Variants in TTI2 observed in about 807,000 individuals in gnomAD.
TTI2 encodes TELO2 interacting protein 2.
Under a neutral mutation model 44.9 loss-of-function variants are expected in TTI2, and 26 were observed. The observed-to-expected ratio is 0.58, with a 90% CI of 0.42 to 0.80. The LOEUF (loss-of-function observed/expected upper bound fraction) is 0.80, where lower values mean the gene tolerates loss of function less well. Ranked by LOEUF, TTI2 falls within the 30% of genes least tolerant of loss-of-function variation. The pLI is 0.00. For missense variants in TTI2, 582 were observed against 611.6 expected (o/e 0.95, Z 0.51); for synonymous variants, 254 against 250.9 (o/e 1.01, Z -0.12).
chr8:33,500,426 C>T lies in TTI2; in HGVS notation c.1324G>A (p.Asp442Asn). The T allele has an allele frequency of 6.2e-7, 1 of 1,614,094 alleles. No homozygotes were observed. Among genetic ancestry groups the T allele is most frequent in the Non-Finnish European group, 8.5e-7 (1 of 1,180,016 alleles). Residue 442 changes from aspartate to asparagine, a missense_variant, in exon 7 of 8, where the codon GAT (aspartate) becomes AAT (asparagine). Coordinates refer to ENST00000431156, the MANE Select transcript of TTI2 (RefSeq NM_001102401.4). ...ACAGACTCAGGTGTAAGGTTTGGAT[C>T]CCTTGCTACATCACAAATCAGTTTC... is the stretch of plus-strand genomic sequence containing the variant. ...LLKLICDVAR[D>N]PNLTPESVKS...
At chr8:33,505,294 A>T (rs1438839474) in intron 4 of TTI2, among the ~76,000 whole-genome samples, 2 of 152,098 alleles carry the variant, frequency 1.3e-5, no homozygotes, top group African/African-American at 4.8e-5. Context: ...AGTAAGGCAT[A>T]AAAAAGAAAC....
chr8:33,509,702 C>T (rs774898572), intron 3 of TTI2, 44 bp downstream of exon 3: 1 of 1,551,372 alleles, frequency 6.4e-7, no homozygotes, highest in Non-Finnish European at 8.9e-7. Context: ...AGGAATGACT[C>T]AGTCTGTCCT....
Position 33,498,952 on chromosome 8 carries a change from T to G in TTI2, c.*221A>C, listed in dbSNP as rs927174324. On this transcript the variant is annotated 3_prime_UTR_variant, in exon 8 of 8. Coordinates refer to ENST00000431156, the MANE Select transcript of TTI2 (RefSeq NM_001102401.4). ...AAATTTTAAATGCTACATTACTTGG[T>G]GTCCTTTTTTCTCCCAAACTTTATT... 1.7e-6 allele frequency: 1 copy of G among 590,738 alleles called. No individual in the cohort carries two copies. Among genetic ancestry groups the G allele is most frequent in the Non-Finnish European group, 3.0e-6 (1 of 335,464 alleles). The allele number at this position is 590,738 out of a possible 1,614,324, so 36.6% of individuals were successfully genotyped here.
At position 33,503,869 on chromosome 8, in the gene TTI2, C is replaced by T; in HGVS notation, c.994G>A (p.Gly332Arg). The T allele has an allele frequency of 1.2e-6, 2 of 1,614,168 alleles. No individual in the cohort carries two copies. Among genetic ancestry groups the T allele is most frequent in the South Asian group, 1.1e-5 (1 of 91,078 alleles). ...LEKTLHWKGD[G>R]ARPTTHCDEV... The stretch of plus-strand genomic sequence containing the variant: ...TCACAATGGGTGGTGGGTCGAGCTC[C>T]ATCTCCTTTCCAGTGCAGGGTTTTC... The change falls in exon 5 of 8, where the codon GGA becomes AGA. Residue 332 changes from glycine to arginine, a missense_variant. Coordinates refer to ENST00000431156, the MANE Select transcript of TTI2 (RefSeq NM_001102401.4).
intron 6 of TTI2, 73 bp from the exon 7 acceptor site, chr8:33,500,563 G>A: frequency 3.8e-6 from 6 of 1,560,494 alleles, no homozygotes; most frequent in Non-Finnish European, 5.3e-6. Context: ...TTCAAAGACT[G>A]TCAAGTGGAA....
chr8:33,512,540 G>A lies in TTI2; in HGVS notation c.74C>T (p.Ala25Val), dbSNP rs1345265494. 1.2e-6 allele frequency: 2 copies of A among 1,614,122 alleles called. No individual in the cohort carries two copies. Among genetic ancestry groups the A allele is most frequent in the Admixed American group, 1.7e-5 (1 of 60,006 alleles). The change falls in exon 2 of 8, where the codon GCC becomes GTC. Residue 25 changes from alanine (A) to valine (V), a missense_variant. Physicochemically the swap from Ala to Val is moderately conservative, Grantham distance 64. Coordinates refer to ENST00000431156, the MANE Select transcript of TTI2 (RefSeq NM_001102401.4). ...AATCTTGGAGAAGGCCTGTCCAAAG[G>A]CGGAGTGAGACAACTCCTCGGACAA... ...SNLSEELSHS[A>V]FGQAFSKILH...
chr8:33,502,118 A>G (rs1809102974), intron 6 of TTI2, among the ~76,000 whole-genome samples: 2 of 151,826 alleles, frequency 1.3e-5, no homozygotes, highest in Admixed American at 1.3e-4. Context: ...TAAGTTTTGT[A>G]TATTTAGTAA....
Position 33,512,263 on chromosome 8 carries a change from C to A in TTI2, c.351G>T (p.Gly117=). The A allele has an allele frequency of 4.3e-6, 7 of 1,614,186 alleles. No homozygotes were observed. Among genetic ancestry groups the A allele is most frequent in the Non-Finnish European group, 5.9e-6 (7 of 1,180,038 alleles). ...TCCCTAACAGTTTAAGAAACAGTAA[C>A]CCAACTTGGGCTGCTTTCTCGGCCG... ...SEAAEKAAQV[G]LLFLKLLGKV... is the part of the protein sequence containing the mutation. Residue 117 remains glycine (G), a synonymous_variant, in exon 2 of 8, where the codon GGG becomes GGT. Transcript: ENST00000431156.
At chr8:33,507,362 C>G in intron 3 of TTI2, 41 bp from the exon 4 acceptor site, 1 of 1,565,338 alleles carries the variant, frequency 6.4e-7, no homozygotes, top group Non-Finnish European at 8.8e-7. Flanking sequence ...AATAGTTTCC[C>G]AAGATTGGCA....
In TTI2 at chr8:33,503,862, C is replaced by T. The variant is rs143370889; in HGVS notation, c.1001G>A (p.Arg334Gln). 93 of 1,614,072 alleles carry T rather than the reference C, an allele frequency of 5.8e-5. No homozygotes were observed. The African/African-American group carries it at 6.3e-4, about 11-fold the overall frequency. Residue 334 changes from arginine to glutamine, a missense_variant, in exon 5 of 8, where the codon CGA becomes CAA. Physicochemically the swap from Arg to Gln is conservative, Grantham distance 43 (BLOSUM62 1). Coordinates refer to ENST00000431156, the MANE Select transcript of TTI2 (RefSeq NM_001102401.4). The part of the protein sequence containing the change: ...KTLHWKGDGA[R>Q]PTTHCDEVLR... The stretch of plus-strand genomic sequence containing the variant: ...GACCTCATCACAATGGGTGGTGGGT[C>T]GAGCTCCATCTCCTTTCCAGTGCAG...
At chr8:33,511,532 G>A (rs964583939) in intron 2 of TTI2, among the ~76,000 whole-genome samples, 5 of 152,090 alleles carry the variant, frequency 3.3e-5, no homozygotes, top group African/African-American at 1.2e-4. Flanking sequence ...GAGATCCGTG[G>A]TTACAGCACC....
chr8:33,500,413 G>A lies in TTI2; in HGVS notation c.1337C>T (p.Thr446Ile). 6.2e-7 allele frequency: 1 copy of A among 1,614,150 alleles called. No individual in the cohort carries two copies. The highest frequency in any genetic ancestry group is 8.5e-7 in the Non-Finnish European group (1 of 1,180,028). ...CAGGGCGCTCTTAACAGACTCAGGTGTAAGGTTTGGATCCCTTGCTACATC... is the reference window on the plus strand; with the variant it reads ...CAGGGCGCTCTTAACAGACTCAGGTATAAGGTTTGGATCCCTTGCTACATC... ...ICDVARDPNLTPESVKSALLQ... is the reference protein window; with the variant it reads ...ICDVARDPNLIPESVKSALLQ... Residue 446 changes from threonine to isoleucine, a missense_variant, in exon 7 of 8, where the codon ACA becomes ATA. Physicochemically the swap from Thr to Ile is moderately conservative, Grantham distance 89. Transcript: ENST00000431156.
Position 33,500,319 on chromosome 8 carries a change from C to A in TTI2, c.1422+9G>T. ...GGCCCAACTGAAACCAAGTTTCAGT[C>A]TGCCTTACCTTTACCCGTCCTTGAG... is the stretch of plus-strand genomic sequence containing the variant. On this transcript the variant is annotated intron_variant, in intron 7 of 7. Transcript: ENST00000431156. 6.2e-7 allele frequency: 1 copy of A among 1,614,020 alleles called. No individual in the cohort carries two copies. Among genetic ancestry groups the A allele is most frequent in the Non-Finnish European group, 8.5e-7 (1 of 1,179,970 alleles).
Position 33,503,572 on chromosome 8 carries a change from C to A in TTI2, c.1116G>T (p.Arg372Ser), listed in dbSNP as rs564262431. 2.5e-6 allele frequency: 4 copies of A among 1,613,788 alleles called. No individual in the cohort carries two copies. In the South Asian group the frequency reaches 4.4e-5, roughly 18 times the overall value. Reference sequence around the variant, plus strand: ...AGTGCCGGACAGTTAGGATCCCCAACCTAAAGATGAAAGAGAAAATATGAC... The same window carrying A: ...AGTGCCGGACAGTTAGGATCCCCAAACTAAAGATGAAAGAGAAAATATGAC... ...YARNLPAFVN[R>S]LGILTVRHLK... The change falls in exon 6 of 8, where the codon AGG becomes AGT. Residue 372 changes from arginine to serine, a missense_variant and splice_region_variant. Coordinates refer to ENST00000431156, the MANE Select transcript of TTI2 (RefSeq NM_001102401.4).
At position 33,512,390 on chromosome 8, in the gene TTI2, A is replaced by G; in HGVS notation, c.224T>C (p.Leu75Pro). 6.2e-7 allele frequency: 1 copy of G among 1,614,002 alleles called. No individual in the cohort carries two copies. ...CCCCAGTGTCTCCGGCATTCCGCGGAGCCGTGCACCAGTCCCCTCAAATAA... is the reference window on the plus strand; with the variant it reads ...CCCCAGTGTCTCCGGCATTCCGCGGGGCCGTGCACCAGTCCCCTCAAATAA... ...DRLFEGTGARLRGMPETLGQV... is the reference protein window; with the variant it reads ...DRLFEGTGARPRGMPETLGQV... Residue 75 changes from leucine (L) to proline (P), a missense_variant, in exon 2 of 8, where the codon CTC (leucine) becomes CCC (proline). Leu to Pro is a moderately conservative substitution (Grantham distance 98). Coordinates refer to ENST00000431156, the MANE Select transcript of TTI2 (RefSeq NM_001102401.4).
intron 6 of TTI2, 40 bp from the exon 7 acceptor site, chr8:33,500,530 T>C: frequency 6.2e-7 from 1 of 1,609,596 alleles, no homozygotes. Flanking sequence ...ACTCTAAATC[T>C]GGATATTAAA....
Position 33,500,615 on chromosome 8 carries a change from A to G in TTI2, c.1260-125T>C, listed in dbSNP as rs536389167. The stretch of plus-strand genomic sequence containing the variant: ...ATTAAGGAACTTAGGTCAAAGTTAA[A>G]TGAAAAAGACCTAAAAACAGAACCA... On this transcript the variant is annotated intron_variant, in intron 6 of 7. Coordinates refer to ENST00000431156, the MANE Select transcript of TTI2 (RefSeq NM_001102401.4). 113 of 1,207,230 alleles carry G rather than the reference A, an allele frequency of 9.4e-5. No homozygotes were observed. The South Asian group carries it at 1.7e-3, about 18-fold the overall frequency. The allele number at this position is 1,207,230 out of a possible 1,614,324, so 74.8% of individuals were successfully genotyped here.
rs1809459510 is a variant in TTI2 at position 33,509,894 on chromosome 8, A to G, written c.686T>C (p.Phe229Ser). 1 of 1,613,668 alleles carries G rather than the reference A, an allele frequency of 6.2e-7. No homozygotes were observed. Among genetic ancestry groups the G allele is most frequent in the Non-Finnish European group, 8.5e-7 (1 of 1,179,958 alleles). ...WKNNPAIKHV[F>S]SWTLQQVTRP... ...AGTGACCTGTTGCAGAGTCCATGAGAAAACATGTTTGATGGCAGGGTTATT... is the reference window on the plus strand; with the variant it reads ...AGTGACCTGTTGCAGAGTCCATGAGGAAACATGTTTGATGGCAGGGTTATT... The change falls in exon 3 of 8, where the codon TTC becomes TCC. Residue 229 changes from phenylalanine to serine, a missense_variant. Transcript: ENST00000431156.
intron 6 of TTI2, among the ~76,000 whole-genome samples, chr8:33,502,658 A>G (rs1317419112): frequency 6.6e-6 from 1 of 151,940 alleles, no homozygotes; most frequent in Admixed American, 6.6e-5. Flanking sequence ...CACCATCTCT[A>G]CTAAAAATTT....
Sources: allele counts gnomAD v4.1 joint callset (sites outside exome capture counted in the v4.1 genomes callset), GRCh38; gene constraint gnomAD v4.1.1; transcripts MANE v1.5; gene names NCBI Gene and HGNC (gene_info 2026-07-23, HGNC 2026-07-21).